Variants in RPS6KC1 observed in about 807,000 individuals in gnomAD.
RPS6KC1 encodes the protein ribosomal protein S6 kinase C1, also known as inactive ribosomal protein S6 kinase delta-1.
In RPS6KC1, 54 loss-of-function variants were observed where a neutral mutation model predicts 103.8. That is an observed-to-expected ratio of 0.52 (90% confidence interval 0.42 to 0.65). RPS6KC1 has a LOEUF of 0.65. Ranked by LOEUF, RPS6KC1 falls within the 30% of genes least tolerant of loss-of-function variation. The pLI, the probability that RPS6KC1 is intolerant of heterozygous loss-of-function variation, is 0.00. For synonymous variants in RPS6KC1, 439 were observed against 438.7 expected (o/e 1.00, Z -0.01); for missense variants, 1,151 against 1,253.8 (o/e 0.92, Z 1.24).
At chr1:213,183,723 A>C (rs2092397885) in intron 8 of RPS6KC1, among the ~76,000 whole-genome samples, 1 of 152,098 alleles carries the variant, frequency 6.6e-6, no homozygotes, top group Non-Finnish European at 1.5e-5. Context: ...TAGGTTCCTA[A>C]CTCAAAAGAA....
chr1:213,303,146 A>T, the RPS6KC1 span, among the ~76,000 whole-genome samples: 1 of 152,216 alleles, frequency 6.6e-6, no homozygotes, highest in Non-Finnish European at 1.5e-5. Flanking sequence ...GCATTTGTGG[A>T]CTGGCTGACT....
chr1:213,525,438 A>G, the RPS6KC1 span, among the ~76,000 whole-genome samples: 1 of 152,194 alleles, frequency 6.6e-6, no homozygotes, highest in Non-Finnish European at 1.5e-5. Flanking sequence ...TCAATTAGTG[A>G]TATCAAGTAG....
At chr1:213,550,398 C>CT in the RPS6KC1 span, among the ~76,000 whole-genome samples, 1 of 152,054 alleles carries the variant, frequency 6.6e-6, no homozygotes, top group Non-Finnish European at 1.5e-5. Context: ...GAGAGGTCCT[C>CT]TTTTTTTAAA....
chr1:213,294,503 T>C, the RPS6KC1 span, among the ~76,000 whole-genome samples: 1 of 152,124 alleles, frequency 6.6e-6, no homozygotes, highest in African/African-American at 2.4e-5. Context: ...CATAGCTGAA[T>C]TTCAGTCATT....
chr1:213,648,188 G>A, the RPS6KC1 span, among the ~76,000 whole-genome samples: 25 of 152,272 alleles, frequency 1.6e-4, no homozygotes, highest in African/African-American at 6.0e-4. Flanking sequence ...AGGTGTTGTG[G>A]TGCTTCCCTA....
intron 8 of RPS6KC1, among the ~76,000 whole-genome samples, chr1:213,195,919 T>C (rs1172601155): frequency 6.6e-6 from 1 of 152,124 alleles, no homozygotes; most frequent in African/African-American, 2.4e-5. Flanking sequence ...TTTTTGCAAT[T>C]GCAAATTGTG....
chr1:213,342,206 C>T, the RPS6KC1 span, among the ~76,000 whole-genome samples: 1 of 152,090 alleles, frequency 6.6e-6, no homozygotes, highest in Non-Finnish European at 1.5e-5. Context: ...CAAAGACGTT[C>T]AAAAGGGAAG....
the RPS6KC1 span, among the ~76,000 whole-genome samples, chr1:213,731,850 T>C: frequency 8.5e-5 from 13 of 152,198 alleles, no homozygotes; most frequent in Admixed American, 7.9e-4. Flanking sequence ...TAAATTATGA[T>C]AGTCAACAGT....
intron 8 of RPS6KC1, among the ~76,000 whole-genome samples, chr1:213,180,762 G>A (rs2092219057): frequency 1.3e-5 from 2 of 151,922 alleles, no homozygotes; most frequent in Admixed American, 1.3e-4. Context: ...GTATTTGTGT[G>A]GTACGAATAT....
chr1:213,556,002 T>C, the RPS6KC1 span, among the ~76,000 whole-genome samples: 1 of 152,214 alleles, frequency 6.6e-6, no homozygotes, highest in South Asian at 2.1e-4. Context: ...TCAGAGCCAC[T>C]GCCTAGTATT....
chr1:213,104,413 G>GCTTT, intron 3 of RPS6KC1, 41 bp from the exon 4 acceptor site: 1 of 1,302,772 alleles, frequency 7.7e-7, no homozygotes. Context: ...ACCAGTGTTT[G>GCTTT]ATCATTCTTC....
At chr1:213,459,036 T>C in the RPS6KC1 span, among the ~76,000 whole-genome samples, 1 of 152,234 alleles carries the variant, frequency 6.6e-6, no homozygotes, top group Non-Finnish European at 1.5e-5. Context: ...TTCACATCGA[T>C]GTTCATCATG....
At chr1:213,512,811 T>C in the RPS6KC1 span, among the ~76,000 whole-genome samples, 2 of 152,166 alleles carry the variant, frequency 1.3e-5, no homozygotes, top group South Asian at 2.1e-4. Context: ...TATCTCTAGT[T>C]GCCACCCAGC....
chr1:213,440,800 A>T, the RPS6KC1 span, among the ~76,000 whole-genome samples: 2 of 152,058 alleles, frequency 1.3e-5, no homozygotes, highest in African/African-American at 4.8e-5. Context: ...ATTTACCTAG[A>T]TCTTACTACA....
At chr1:213,625,633 T>C in the RPS6KC1 span, among the ~76,000 whole-genome samples, 79 of 152,310 alleles carry the variant, frequency 5.2e-4, 1 homozygote, top group African/African-American at 1.5e-3. Context: ...CCTGTGTCCA[T>C]GTGTTCTCAT....
chr1:213,696,536 A>G, the RPS6KC1 span, among the ~76,000 whole-genome samples: 1 of 150,360 alleles, frequency 6.7e-6, no homozygotes, highest in Non-Finnish European at 1.5e-5. Context: ...AAAAGAAAAA[A>G]GAAACTCTCT....
the RPS6KC1 span, among the ~76,000 whole-genome samples, chr1:213,420,825 G>A: frequency 1.3e-5 from 2 of 152,142 alleles, no homozygotes; most frequent in Non-Finnish European, 1.5e-5. Flanking sequence ...CAAGGTGCTG[G>A]CAGGGCCACG....
chr1:213,280,250 A>G, the RPS6KC1 span, among the ~76,000 whole-genome samples: 57 of 152,334 alleles, frequency 3.7e-4, no homozygotes, highest in African/African-American at 1.3e-3. Flanking sequence ...GCAGTGGTTC[A>G]GTTCCCCCAA....
chr1:213,176,444 C>G lies in RPS6KC1; in HGVS notation c.996C>G (p.Ser332Arg). The change falls in exon 8 of 15, where the codon AGC becomes AGG. Residue 332 changes from serine (S) to arginine (R), a missense_variant. Transcript: ENST00000366960. ...CAAGGCCCCTTTGGAACCTAAGGAG[C>G]CCTGCCGAGGAGCTGAAGGCCTTCA... ...LSSRPLWNLR[S>R]PAEELKAFRV... The G allele has an allele frequency of 6.2e-7, 1 of 1,609,080 alleles. No individual in the cohort carries two copies. Among genetic ancestry groups the G allele is most frequent in the Non-Finnish European group, 8.5e-7 (1 of 1,176,320 alleles).
Sources: allele counts gnomAD v4.1 joint callset (sites outside exome capture counted in the v4.1 genomes callset), GRCh38; gene constraint gnomAD v4.1.1; transcripts MANE v1.5; gene names NCBI Gene and HGNC (gene_info 2026-07-23, HGNC 2026-07-21).